EXOC6: variants seen among roughly 807,000 people sequenced by gnomAD.
The protein encoded by EXOC6 is exocyst complex component 6.
Under a neutral mutation model 112.5 loss-of-function variants are expected in EXOC6, and 60 were observed. That is an observed-to-expected ratio of 0.53 (90% CI 0.43 to 0.66). The LOEUF (loss-of-function observed/expected upper bound fraction) is 0.66. Ranked by LOEUF, EXOC6 falls within the 30% of genes least tolerant of loss-of-function variation. EXOC6 has a pLI of 0.00. For missense variants in EXOC6, 855 were observed against 957.1 expected (o/e 0.89, Z 1.41); for synonymous variants, 295 against 308.0 (o/e 0.96, Z 0.44).
intron 5 of EXOC6, among the ~76,000 whole-genome samples, chr10:92,905,371 T>C (rs1475651427): frequency 6.6e-6 from 1 of 152,102 alleles, no homozygotes; most frequent in Non-Finnish European, 1.5e-5. Flanking sequence ...TGGGGAGAAC[T>C]GATATCATCA....
At chr10:92,902,524 A>AT (rs1020102112) in intron 5 of EXOC6, among the ~76,000 whole-genome samples, 51 of 150,828 alleles carry the variant, frequency 3.4e-4, no homozygotes, top group African/African-American at 1.1e-3. Context: ...TGATCTCCAA[A>AT]TTTTTTTTTC....
chr10:92,916,265 C>G (rs141758072), intron 7 of EXOC6, among the ~76,000 whole-genome samples: 36 of 152,298 alleles, frequency 2.4e-4, no homozygotes, highest in Non-Finnish European at 3.8e-4. Flanking sequence ...AATCCCAGCA[C>G]TTTGCAAGGT....
At chr10:92,975,367 C>T (rs1209162930) in intron 18 of EXOC6, among the ~76,000 whole-genome samples, 3 of 148,944 alleles carry the variant, frequency 2.0e-5, no homozygotes, top group Admixed American at 1.3e-4. Flanking sequence ...CCCCTCCGCC[C>T]GGCAGCCGCC....
chr10:92,932,847 G>A (rs1227979485), intron 9 of EXOC6, among the ~76,000 whole-genome samples: 1 of 152,054 alleles, frequency 6.6e-6, no homozygotes, highest in Admixed American at 6.6e-5. Context: ...TTGTGCAGCA[G>A]CAATAAGAAA....
chr10:92,827,738 C>T (rs1846410138), intron 1 of EXOC6, among the ~76,000 whole-genome samples: 2 of 152,102 alleles, frequency 1.3e-5, no homozygotes, highest in South Asian at 4.1e-4. Context: ...AAGCAAGTTG[C>T]AAGAGCTAAA....
At chr10:92,970,690 C>T (rs1466731000) in intron 17 of EXOC6, among the ~76,000 whole-genome samples, 3 of 152,168 alleles carry the variant, frequency 2.0e-5, no homozygotes, top group Non-Finnish European at 4.4e-5. Flanking sequence ...AGTGCCTCTC[C>T]TTAATGTCAG....
intron 4 of EXOC6, among the ~76,000 whole-genome samples, chr10:92,898,931 G>A (rs1338673068): frequency 1.3e-5 from 2 of 152,102 alleles, no homozygotes; most frequent in Non-Finnish European, 2.9e-5. Flanking sequence ...GGGTAAAAAG[G>A]TTTAAAACCT....
chr10:92,850,732 A>G lies in EXOC6; in HGVS notation c.101+2098A>G, dbSNP rs1847285051. ...ATTTTGAAGGAAATCCAAGACATCA[A>G]TTTATTCATAAATATTTTAGTATTA... On this transcript the variant is annotated intron_variant, in intron 1 of 21. Coordinates refer to ENST00000260762, the MANE Select transcript of EXOC6 (RefSeq NM_019053.6). Among the ~76,000 whole-genome samples the G allele has an allele frequency of 3.3e-5, 5 of 152,246 alleles. No homozygotes were observed. The South Asian group carries it at 1.0e-3, about 32-fold the overall frequency.
chr10:92,979,285 G>A (rs905796516), intron 18 of EXOC6, among the ~76,000 whole-genome samples: 1 of 152,076 alleles, frequency 6.6e-6, no homozygotes, highest in Non-Finnish European at 1.5e-5. Context: ...TCAGCCTCCC[G>A]AGTAGCTGGG....
chr10:92,959,002 G>A (rs1853842924), intron 17 of EXOC6, among the ~76,000 whole-genome samples: 1 of 152,136 alleles, frequency 6.6e-6, no homozygotes, highest in Non-Finnish European at 1.5e-5. Context: ...GCTGAGGCAG[G>A]AGAATCGCTT....
intron 5 of EXOC6, among the ~76,000 whole-genome samples, chr10:92,908,297 C>G (rs982711030): frequency 6.6e-6 from 1 of 151,906 alleles, no homozygotes; most frequent in African/African-American, 2.4e-5. Context: ...TCAGGTGACC[C>G]GCCCACCTTA....
At chr10:93,007,134 C>A (rs1844024418) in intron 19 of EXOC6, among the ~76,000 whole-genome samples, 1 of 152,084 alleles carries the variant, frequency 6.6e-6, no homozygotes, top group African/African-American at 2.4e-5. Flanking sequence ...GAGTTTAATT[C>A]CCTCTGAGTT....
At position 93,015,484 on chromosome 10, in the gene EXOC6, A is replaced by T. The variant is rs146533656; in HGVS notation, c.2169+1217A>T. 9.2e-5 allele frequency among the ~76,000 whole-genome samples: 14 copies of T among 152,368 alleles called. No individual in the cohort carries two copies. The East Asian group carries it at 2.7e-3, about 29-fold the overall frequency. ...GAGTTGCCGGCTGGGCTGTTATCCC[A>T]GCACTTTGGGAGGCCGAGGCGGATG... On this transcript the variant is annotated intron_variant, in intron 20 of 21. Transcript: ENST00000260762.
At chr10:92,922,434 T>A (rs539588379) in intron 8 of EXOC6, among the ~76,000 whole-genome samples, 1 of 152,334 alleles carries the variant, frequency 6.6e-6, no homozygotes, top group African/African-American at 2.4e-5. Context: ...GTGCTTGGTA[T>A]AGGACCTGGT....
upstream of EXOC6, among the ~76,000 whole-genome samples, chr10:92,830,169 TTTC>T (rs1313817402): frequency 6.6e-6 from 1 of 152,160 alleles, no homozygotes; most frequent in African/African-American, 2.4e-5. Context: ...TTGCCTCAAA[TTTC>T]TTCTTGTGCG....
Position 92,999,505 on chromosome 10 carries a change from T to G in EXOC6, c.2095+1890T>G, listed in dbSNP as rs538438603. On this transcript the variant is annotated intron_variant, in intron 19 of 21. Transcript: ENST00000260762. ...TCTGTATAAATATCTTATATAAGCA[T>G]TGCTCAAGACATTTTCGTGTTACAG... 1.6e-3 allele frequency: 366 copies of G among 232,676 alleles called. 1 individual carries two copies. Among genetic ancestry groups the G allele is most frequent in the Middle Eastern group, 0.012 (14 of 1,194 alleles). The allele number at this position is 232,676 out of a possible 1,614,324, so 14.4% of individuals were successfully genotyped here.
At chr10:92,912,939 G>A (rs953485871) in intron 6 of EXOC6, among the ~76,000 whole-genome samples, 1 of 152,152 alleles carries the variant, frequency 6.6e-6, no homozygotes, top group African/African-American at 2.4e-5. Flanking sequence ...ATGAACATCT[G>A]CTTTTCTGGG....
chr10:92,858,484 G>A (rs11818622), intron 1 of EXOC6, among the ~76,000 whole-genome samples: 3,343 of 151,748 alleles, frequency 0.022, 57 homozygotes, highest in African/African-American at 0.041. Flanking sequence ...TAATCAGACT[G>A]TCTTGTATAT....
In EXOC6 at chr10:92,862,862, G is replaced by A. The variant is rs77636011; in HGVS notation, c.101+14228G>A. ...GTACAAGTTTTGGTTGAATGCCTAT[G>A]TTCAGTATTTGGGGTAATTACCTAA... On this transcript the variant is annotated intron_variant, in intron 1 of 21. Coordinates refer to ENST00000260762, the MANE Select transcript of EXOC6 (RefSeq NM_019053.6). Among the ~76,000 whole-genome samples, 457 of 152,266 alleles carry A rather than the reference G, an allele frequency of 3.0e-3. 1 individual carries two copies. Among genetic ancestry groups the A allele is most frequent in the Middle Eastern group, 0.01 (3 of 294 alleles).
Sources: allele counts gnomAD v4.1 joint callset (sites outside exome capture counted in the v4.1 genomes callset), GRCh38; gene constraint gnomAD v4.1.1; transcripts MANE v1.5; gene names NCBI Gene and HGNC (gene_info 2026-07-23, HGNC 2026-07-21).